TAOK3: variants seen among roughly 807,000 people sequenced by gnomAD.
TAOK3 encodes the protein serine/threonine-protein kinase TAO3.
A neutral mutation model predicts 120.4 loss-of-function variants in TAOK3; 40 were observed. The observed-to-expected ratio is 0.33, with a 90% confidence interval of 0.26 to 0.43. The LOEUF (loss-of-function observed/expected upper bound fraction) is 0.43, where lower values mean the gene tolerates loss of function less well. Among genes scored for constraint, TAOK3 ranks in the 20% least tolerant of loss-of-function variants. TAOK3 has a pLI of 1.00. For missense variants in TAOK3, 821 were observed against 1,112.1 expected, an observed-to-expected ratio of 0.74 and a Z score of 3.72; for synonymous variants, 355 against 387.5, an observed-to-expected ratio of 0.92 and a Z score of 0.99.
In TAOK3 at chr12:118,150,974, T is replaced by G; in HGVS notation, c.*23A>C. On this transcript the variant is annotated 3_prime_UTR_variant, in exon 21 of 21. Coordinates refer to ENST00000392533, the MANE Select transcript of TAOK3 (RefSeq NM_016281.4). ...CTGTTTTCTTTTTTTTTTTTTTTTT[T>G]GTAAATGGCAAAAAATTTAATCTCA... 3 of 1,467,380 alleles carry G rather than the reference T, an allele frequency of 2.0e-6. No homozygotes were observed. Among genetic ancestry groups the G allele is most frequent in the African/African-American group, 1.4e-5 (1 of 70,172 alleles). The allele number at this position is 1,467,380 out of a possible 1,614,324, so 90.9% of individuals were successfully genotyped here. A position where few individuals can be genotyped will look rare whatever the true frequency, so the allele number is the denominator to read the frequency against.
intron 1 of TAOK3, among the ~76,000 whole-genome samples, chr12:118,360,795 T>C (rs1439435618): frequency 6.6e-6 from 1 of 152,150 alleles, no homozygotes; most frequent in Non-Finnish European, 1.5e-5. Context: ...TGGAAACTCA[T>C]TTGTAGTTAG....
chr12:118,315,443 A>T (rs1391570950), intron 1 of TAOK3, among the ~76,000 whole-genome samples: 1 of 97,338 alleles, frequency 1.0e-5, no homozygotes, highest in East Asian at 3.5e-4. Flanking sequence ...TGCAAATGTT[A>T]AAACCCACAA....
At chr12:118,355,618 C>T (rs1309735686) in intron 1 of TAOK3, among the ~76,000 whole-genome samples, 2 of 152,152 alleles carry the variant, frequency 1.3e-5, no homozygotes, top group Non-Finnish European at 2.9e-5. Flanking sequence ...TTTCTAAATA[C>T]TTCTATTATT....
chr12:118,286,884 G>C (rs2042286700), intron 1 of TAOK3, among the ~76,000 whole-genome samples: 1 of 152,206 alleles, frequency 6.6e-6, no homozygotes, highest in Non-Finnish European at 1.5e-5. Flanking sequence ...GATACTCTCA[G>C]CCATAAAAAG....
chr12:118,269,506 G>T (rs536143345), intron 1 of TAOK3, among the ~76,000 whole-genome samples: 1 of 150,966 alleles, frequency 6.6e-6, no homozygotes, highest in Admixed American at 6.6e-5. Context: ...AAGTAGCTGG[G>T]ATTACAGGCG....
intron 13 of TAOK3, among the ~76,000 whole-genome samples, chr12:118,195,401 T>C (rs748983213): frequency 2.6e-5 from 4 of 152,238 alleles, no homozygotes; most frequent in Non-Finnish European, 5.9e-5. Flanking sequence ...ACAATGATTT[T>C]AAGGAGTAGG....
At chr12:118,189,535 G>GACACACACACACAC (rs869285530) in intron 14 of TAOK3, among the ~76,000 whole-genome samples, 1 of 132,268 alleles carries the variant, frequency 7.6e-6, no homozygotes, top group Non-Finnish European at 1.6e-5. Flanking sequence ...CACAGACACA[G>GACACACACACACAC]ACACACACAC....
At chr12:118,251,973 C>T (rs2040774632) in intron 3 of TAOK3, among the ~76,000 whole-genome samples, 1 of 152,150 alleles carries the variant, frequency 6.6e-6, no homozygotes, top group African/African-American at 2.4e-5. Flanking sequence ...AGGCGCCCGC[C>T]ACCATGCCTG....
rs1192108671 is a variant in TAOK3 at position 118,224,826 on chromosome 12, A to AT, written c.643+8847_643+8848insA. ...TTCTAGATTAGGGTGTTTTTAAAAA[A>AT]ATATATACTATTATAGAAGAGACAG... On this transcript the variant is annotated intron_variant, in intron 9 of 20. Coordinates refer to ENST00000392533, the MANE Select transcript of TAOK3 (RefSeq NM_016281.4). 1.2e-4 allele frequency among the ~76,000 whole-genome samples: 19 copies of AT among 152,298 alleles called. 1 individual carries two copies. The South Asian group carries it at 3.7e-3, about 30-fold the overall frequency.
At chr12:118,311,012 T>G (rs2043240451) in intron 1 of TAOK3, among the ~76,000 whole-genome samples, 1 of 152,024 alleles carries the variant, frequency 6.6e-6, no homozygotes, top group Admixed American at 6.6e-5. Flanking sequence ...ATCTACAGAT[T>G]CTATGACCCT....
chr12:118,199,472 C>A (rs762036243), intron 12 of TAOK3: 1 of 577,490 alleles, frequency 1.7e-6, no homozygotes, highest in Non-Finnish European at 3.1e-6. Flanking sequence ...CCATTCTGGA[C>A]GTGGGTCATA....
At chr12:118,368,354 G>A (rs1249854573) in intron 1 of TAOK3, among the ~76,000 whole-genome samples, 1 of 151,864 alleles carries the variant, frequency 6.6e-6, no homozygotes, top group East Asian at 2.0e-4. Context: ...CTGCCACCAC[G>A]CCCCGGCTAA....
rs150976270 is a variant in TAOK3 at position 118,281,889 on chromosome 12, G to A, written c.-193-15130C>T. ...AACTACAATAATTTCAACAAGTGATGAGCATAAAAAATATTTTGATGTACA... is the reference window on the plus strand; with the variant it reads ...AACTACAATAATTTCAACAAGTGATAAGCATAAAAAATATTTTGATGTACA... On this transcript the variant is annotated intron_variant, in intron 1 of 20. Coordinates refer to ENST00000392533, the MANE Select transcript of TAOK3 (RefSeq NM_016281.4). Among the ~76,000 whole-genome samples the A allele has an allele frequency of 2.3e-3, 351 of 152,248 alleles. 2 individuals are homozygous for A. The highest frequency in any genetic ancestry group is 7.5e-3 in the African/African-American group (311 of 41,542).
At chr12:118,218,834 A>C (rs2039074565) in intron 9 of TAOK3, among the ~76,000 whole-genome samples, 1 of 152,098 alleles carries the variant, frequency 6.6e-6, no homozygotes, top group African/African-American at 2.4e-5. Flanking sequence ...TGTGCCTGTA[A>C]TCCCAGCTAC....
intron 1 of TAOK3, among the ~76,000 whole-genome samples, chr12:118,348,551 C>T (rs182082249): frequency 6.6e-6 from 1 of 151,492 alleles, no homozygotes; most frequent in Admixed American, 6.6e-5. Context: ...CCCGGGCTCA[C>T]GCCATTCTCC....
intron 1 of TAOK3, among the ~76,000 whole-genome samples, chr12:118,370,787 C>T (rs2045871976): frequency 6.6e-6 from 1 of 152,166 alleles, no homozygotes; most frequent in Non-Finnish European, 1.5e-5. Flanking sequence ...TGTCCCCCAA[C>T]TCCCACCCCC....
chr12:118,301,774 G>T (rs945294843), intron 1 of TAOK3, among the ~76,000 whole-genome samples: 7 of 150,060 alleles, frequency 4.7e-5, no homozygotes, highest in African/African-American at 1.7e-4. Context: ...CCTGGGAGGC[G>T]GAAGTTGCAG....
chr12:118,354,612 T>G (rs897478436), intron 1 of TAOK3, among the ~76,000 whole-genome samples: 1 of 151,890 alleles, frequency 6.6e-6, no homozygotes, highest in African/African-American at 2.4e-5. Context: ...CTCCCACAAT[T>G]CCCAAGCATT....
chr12:118,196,050 AAAATAAATAAATAAATAAAT>A lies in TAOK3; in HGVS notation c.1194+2981_1194+3000del, dbSNP rs200676149. On this transcript the variant is annotated intron_variant, in intron 13 of 20. Transcript: ENST00000392533. ...GGGCGACAGCACGAGACTCCATCTC[AAAATAAATAAATAAATAAAT>A]AAATAAATAAATAAATAAATAAATA... Among the ~76,000 whole-genome samples, 17 of 138,204 alleles carry A rather than the reference AAAATAAATAAATAAATAAAT, an allele frequency of 1.2e-4. No individual in the cohort carries two copies. In the East Asian group the frequency reaches 2.0e-3, roughly 16 times the overall value. 90.7% of individuals were successfully genotyped at this position (138,204 alleles called of 152,430 possible).
Sources: allele counts gnomAD v4.1 joint callset (sites outside exome capture counted in the v4.1 genomes callset), GRCh38; gene constraint gnomAD v4.1.1; transcripts MANE v1.5; gene names NCBI Gene and HGNC (gene_info 2026-07-23, HGNC 2026-07-21).